PLXDC2: variants seen among roughly 807,000 people sequenced by gnomAD.
PLXDC2 encodes plexin domain-containing protein 2.
Under a neutral mutation model 68.9 loss-of-function variants are expected in PLXDC2, and 40 were observed. The ratio of observed to expected loss-of-function variants is 0.58; its 90% CI spans 0.45 to 0.76. The LOEUF is 0.76. PLXDC2 is among the 30% of genes least tolerant of loss of function. PLXDC2 has a pLI of 0.00. For synonymous variants in PLXDC2, 243 were observed against 234.2 expected, an observed-to-expected ratio of 1.04 and a Z score of -0.34; for missense variants, 644 against 661.9, an observed-to-expected ratio of 0.97 and a Z score of 0.30.
At chr10:19,957,557 C>T (rs531416138) in intron 1 of PLXDC2, among the ~76,000 whole-genome samples, 9 of 152,162 alleles carry the variant, frequency 5.9e-5, no homozygotes, top group African/African-American at 1.7e-4. Flanking sequence ...GAAATTACCA[C>T]GTTTATGCCA....
rs567243986 is a variant in PLXDC2, at chr10:20,284,629, C to A, written c.*4810C>A. On this transcript the variant is annotated 3_prime_UTR_variant, in exon 14 of 14. Coordinates refer to ENST00000377252, the MANE Select transcript of PLXDC2 (RefSeq NM_032812.9). ...AATCGTGAGACATCATGTAATCCAA[C>A]CTCTTAATGTTACAGATAAGTAAAC... 6.6e-6 allele frequency: 1 copy of A among 151,866 alleles called. No homozygotes were observed. The highest frequency in any genetic ancestry group is 1.9e-4 in the East Asian group (1 of 5,164). The allele number at this position is 151,866 out of a possible 1,614,324, so 9.4% of individuals were successfully genotyped here. A position where few individuals can be genotyped will look rare whatever the true frequency, so the allele number is the denominator to read the frequency against.
chr10:20,228,710 A>T (rs1183390822), intron 12 of PLXDC2, among the ~76,000 whole-genome samples: 1 of 152,076 alleles, frequency 6.6e-6, no homozygotes. Context: ...CAAAGACTAG[A>T]GAGGGAATAC....
At chr10:20,065,668 T>C (rs73603697) in intron 3 of PLXDC2, among the ~76,000 whole-genome samples, 10,368 of 152,150 alleles carry the variant, frequency 0.068, 698 homozygotes, top group African/African-American at 0.17. Flanking sequence ...CATCTGAGGG[T>C]AATGGATGAC....
At chr10:19,848,136 A>T (rs1485609147) in intron 1 of PLXDC2, among the ~76,000 whole-genome samples, 1 of 151,946 alleles carries the variant, frequency 6.6e-6, no homozygotes, top group South Asian at 2.1e-4. Flanking sequence ...ATCTCTATAA[A>T]ATTTCTTTTT....
intron 13 of PLXDC2, among the ~76,000 whole-genome samples, chr10:20,271,304 T>C (rs1835937746): frequency 6.6e-6 from 1 of 152,044 alleles, no homozygotes; most frequent in African/African-American, 2.4e-5. Flanking sequence ...TTGATAACCT[T>C]AGAGAATGCA....
chr10:20,226,078 T>C (rs960120119), intron 12 of PLXDC2, among the ~76,000 whole-genome samples: 3 of 152,220 alleles, frequency 2.0e-5, no homozygotes, highest in Non-Finnish European at 4.4e-5. Context: ...AAGAATAACG[T>C]ATTTTACTCT....
intron 2 of PLXDC2, among the ~76,000 whole-genome samples, chr10:20,006,052 G>C (rs1314487199): frequency 6.6e-6 from 1 of 151,936 alleles, no homozygotes; most frequent in Non-Finnish European, 1.5e-5. Flanking sequence ...TAGCTGGCGA[G>C]TGTCTGTAAT....
chr10:20,024,241 A>G (rs1439336157), intron 2 of PLXDC2, among the ~76,000 whole-genome samples: 2 of 152,228 alleles, frequency 1.3e-5, no homozygotes, highest in Non-Finnish European at 2.9e-5. Context: ...AATCTCAGTT[A>G]CATAAGGGAA....
chr10:20,193,209 C>T (rs376538039), intron 9 of PLXDC2, among the ~76,000 whole-genome samples: 13 of 151,978 alleles, frequency 8.6e-5, no homozygotes, highest in African/African-American at 2.9e-4. Context: ...GTGACACAGA[C>T]CATATGGCCT....
intron 13 of PLXDC2, among the ~76,000 whole-genome samples, chr10:20,249,742 A>G (rs550792657): frequency 1.3e-5 from 2 of 152,302 alleles, no homozygotes; most frequent in South Asian, 2.1e-4. Flanking sequence ...GGACATGGAC[A>G]TCTTTGGGAG....
At chr10:20,154,063 C>G (rs572271517) in intron 6 of PLXDC2, among the ~76,000 whole-genome samples, 1 of 151,882 alleles carries the variant, frequency 6.6e-6, no homozygotes, top group Non-Finnish European at 1.5e-5. Flanking sequence ...AAAAAAAAAC[C>G]GGATCCTTTC....
intron 1 of PLXDC2, among the ~76,000 whole-genome samples, chr10:19,964,358 T>C (rs1009627805): frequency 1.3e-5 from 2 of 152,204 alleles, no homozygotes; most frequent in Non-Finnish European, 2.9e-5. Context: ...CTGATGTTCC[T>C]CAGTCCTTTA....
rs1235836557 is a variant in PLXDC2, at chr10:20,158,662, C to CAAATAAAT, written c.784-5803_784-5796dup. On this transcript the variant is annotated intron_variant, in intron 6 of 13. Transcript: ENST00000377252. ...TGGGCAACAGAATGAGACTCTGTCT[C>CAAATAAAT]AAATAAATAAGTAAATAAATAAATA... is the stretch of plus-strand genomic sequence containing the variant. Among the ~76,000 whole-genome samples, 664 of 144,708 alleles carry CAAATAAAT rather than the reference C, an allele frequency of 4.6e-3. 7 individuals carry two copies. Among genetic ancestry groups the CAAATAAAT allele is most frequent in the African/African-American group, 0.015 (628 of 40,592 alleles). 94.9% of individuals were successfully genotyped at this position (144,708 alleles called of 152,430 possible). A position where few individuals can be genotyped will look rare whatever the true frequency, so the allele number is the denominator to read the frequency against.
intron 1 of PLXDC2, among the ~76,000 whole-genome samples, chr10:19,971,696 C>A (rs1834356385): frequency 6.6e-6 from 1 of 151,968 alleles, no homozygotes; most frequent in Admixed American, 6.6e-5. Context: ...GTGTTTTTTC[C>A]ATTTATTCAT....
chr10:20,218,590 T>C (rs966916254), intron 11 of PLXDC2, among the ~76,000 whole-genome samples: 1 of 152,140 alleles, frequency 6.6e-6, no homozygotes, highest in East Asian at 1.9e-4. Flanking sequence ...TCTCTTTATA[T>C]AGAATTTTGG....
At chr10:20,218,784 A>G (rs1835173371) in intron 11 of PLXDC2, among the ~76,000 whole-genome samples, 1 of 152,138 alleles carries the variant, frequency 6.6e-6, no homozygotes, top group Non-Finnish European at 1.5e-5. Flanking sequence ...AAATAGCTGT[A>G]TTTTAACTTT....
intron 10 of PLXDC2, among the ~76,000 whole-genome samples, chr10:20,214,475 T>G (rs989718281): frequency 2.0e-5 from 3 of 152,162 alleles, no homozygotes; most frequent in African/African-American, 7.2e-5. Flanking sequence ...GCTTGTTCTC[T>G]TTAGAGCGAT....
chr10:20,123,743 C>T (rs906541691), intron 4 of PLXDC2, among the ~76,000 whole-genome samples: 7 of 150,934 alleles, frequency 4.6e-5, no homozygotes, highest in Non-Finnish European at 1.0e-4. Context: ...GGATGGGGCA[C>T]AGAGATACGA....
intron 2 of PLXDC2, among the ~76,000 whole-genome samples, chr10:20,036,334 G>A (rs1239579055): frequency 2.0e-5 from 3 of 152,144 alleles, no homozygotes; most frequent in Non-Finnish European, 4.4e-5. Flanking sequence ...TCCATCTTCT[G>A]AGGACACAGG....
Sources: gnomAD v4.1 joint callset for allele counts (sites outside exome capture counted in the v4.1 genomes callset) on GRCh38, gnomAD v4.1.1 for gene constraint, MANE v1.5 for transcripts, NCBI Gene and HGNC (gene_info 2026-07-23, HGNC 2026-07-21) for gene names.